The following XKR4 variants were observed in gnomAD, a reference collection of about 807,000 sequenced individuals.
XKR4 encodes XK-related protein 4.
XKR4 carries 12 observed loss-of-function variants against 53.9 expected under a neutral mutation model. The ratio of observed to expected loss-of-function variants is 0.22; its 90% CI spans 0.14 to 0.36. The LOEUF (loss-of-function observed/expected upper bound fraction) is 0.36, where lower values mean the gene tolerates loss of function less well. Among genes scored for constraint, XKR4 ranks in the 10% least tolerant of loss-of-function variants. The probability of loss-of-function intolerance (pLI) is 1.00; values close to 1 mark genes in which losing one functional copy is unlikely to be tolerated. For synonymous variants in XKR4, 354 were observed against 362.4 expected (o/e 0.98, Z 0.26); for missense variants, 799 against 859.5 (o/e 0.93, Z 0.88).
rs865928607 is a variant in XKR4, at chr8:55,180,310, A to G, written c.806+77016A>G. On this transcript the variant is annotated intron_variant, in intron 1 of 2. Coordinates refer to ENST00000327381, the MANE Select transcript of XKR4 (RefSeq NM_052898.2). Reference sequence around the variant, plus strand: ...ACATGAATGAGCATAAATTGGATGGATATGCAGCTGCTGTATCCAAGTCTT... The same window carrying G: ...ACATGAATGAGCATAAATTGGATGGGTATGCAGCTGCTGTATCCAAGTCTT... Among the ~76,000 whole-genome samples, 9 of 152,200 alleles carry G rather than the reference A, an allele frequency of 5.9e-5. No homozygotes were observed. In the South Asian group the frequency reaches 1.0e-3, roughly 18 times the overall value.
intron 1 of XKR4, among the ~76,000 whole-genome samples, chr8:55,168,880 T>C (rs892649030): frequency 6.6e-6 from 1 of 152,222 alleles, no homozygotes; most frequent in African/African-American, 2.4e-5. Context: ...TCTACCAGCT[T>C]GTCTGTGTCC....
chr8:55,515,077 C>T (rs893263337), intron 2 of XKR4, among the ~76,000 whole-genome samples: 11 of 152,196 alleles, frequency 7.2e-5, no homozygotes, highest in Admixed American at 6.5e-5. Flanking sequence ...CTTCTCCCAA[C>T]AACTTCCTCC....
intron 1 of XKR4, among the ~76,000 whole-genome samples, chr8:55,310,449 C>T (rs1048396302): frequency 9.2e-5 from 14 of 152,134 alleles, no homozygotes; most frequent in African/African-American, 1.7e-4. Flanking sequence ...GCACCTGACA[C>T]GTGATAAGCA....
chr8:55,369,625 A>G (rs1804044666), intron 2 of XKR4, among the ~76,000 whole-genome samples: 1 of 151,986 alleles, frequency 6.6e-6, no homozygotes, highest in Non-Finnish European at 1.5e-5. Flanking sequence ...AATAATTAAG[A>G]ATTATATTTT....
At chr8:55,438,634 C>T (rs1376157689) in intron 2 of XKR4, among the ~76,000 whole-genome samples, 1 of 149,626 alleles carries the variant, frequency 6.7e-6, no homozygotes, top group Non-Finnish European at 1.5e-5. Context: ...AAAGAAGATG[C>T]CAAGAAATGA....
chr8:55,453,553 G>T, intron 2 of XKR4: 2 of 378,138 alleles, frequency 5.3e-6, no homozygotes, highest in South Asian at 2.1e-5. Flanking sequence ...CAGTCATGCG[G>T]GGCCCTGAGG....
intron 2 of XKR4, among the ~76,000 whole-genome samples, chr8:55,506,439 C>G (rs780695347): frequency 6.6e-6 from 1 of 152,206 alleles, no homozygotes. Flanking sequence ...TCAGTCACTA[C>G]CCCCAGCAGC....
intron 2 of XKR4, among the ~76,000 whole-genome samples, chr8:55,477,459 A>G (rs1355131903): frequency 6.6e-6 from 1 of 152,152 alleles, no homozygotes; most frequent in Non-Finnish European, 1.5e-5. Context: ...ATGGGGAAAA[A>G]ACAGAGCAGA....
At chr8:55,206,676 A>G (rs537185369) in intron 1 of XKR4, among the ~76,000 whole-genome samples, 39 of 152,352 alleles carry the variant, frequency 2.6e-4, no homozygotes, top group African/African-American at 9.4e-4. Flanking sequence ...TGAAAAAGTT[A>G]GACTGTTCAC....
rs150280280 is a variant in XKR4 at position 55,451,423 on chromosome 8, G to C, written c.1007-71858G>C. On this transcript the variant is annotated intron_variant, in intron 2 of 2. Coordinates refer to ENST00000327381, the MANE Select transcript of XKR4 (RefSeq NM_052898.2). ...GCGTCCGGACGCACTGGAGTAGCGG[G>C]GCATGGAGCTGACAACAGCCTGCAG... 2.3e-4 allele frequency: 271 copies of C among 1,153,890 alleles called. 1 individual carries two copies. In the African/African-American group the frequency reaches 3.6e-3, roughly 15 times the overall value. 71.5% of individuals were successfully genotyped at this position (1,153,890 alleles called of 1,614,324 possible).
intron 2 of XKR4, among the ~76,000 whole-genome samples, chr8:55,493,633 G>T (rs1397947260): frequency 6.6e-6 from 1 of 152,118 alleles, no homozygotes; most frequent in Non-Finnish European, 1.5e-5. Flanking sequence ...CTCTATTTTT[G>T]AAAAGCCTGA....
At chr8:55,449,477 G>C in intron 2 of XKR4, 1 of 1,039,874 alleles carries the variant, frequency 9.6e-7, no homozygotes, top group East Asian at 2.5e-5. Context: ...GGTAACGACT[G>C]GAAGCAGAGC....
chr8:55,232,172 C>T (rs889339941), intron 1 of XKR4, among the ~76,000 whole-genome samples: 1 of 152,152 alleles, frequency 6.6e-6, no homozygotes, highest in Non-Finnish European at 1.5e-5. Context: ...CTCTTGTGGC[C>T]AAGGGGAGGG....
chr8:55,185,282 A>G (rs1256740180), intron 1 of XKR4, among the ~76,000 whole-genome samples: 1 of 152,374 alleles, frequency 6.6e-6, no homozygotes, highest in East Asian at 1.9e-4. Context: ...CAGTATTGAT[A>G]TGTTTCAGTT....
At chr8:55,112,575 T>TTTTTTTTG (rs1563459284) in intron 1 of XKR4, among the ~76,000 whole-genome samples, 1 of 139,278 alleles carries the variant, frequency 7.2e-6, no homozygotes, top group East Asian at 2.1e-4. Flanking sequence ...TTTTTTTTTT[T>TTTTTTTTG]TTTTTTTTTT....
intron 1 of XKR4, among the ~76,000 whole-genome samples, chr8:55,189,046 G>C (rs1257729965): frequency 6.6e-6 from 1 of 152,168 alleles, no homozygotes; most frequent in African/African-American, 2.4e-5. Context: ...GTAATTTGAG[G>C]TCCAAGCTGA....
At chr8:55,159,994 C>T (rs12541479) in intron 1 of XKR4, among the ~76,000 whole-genome samples, 4,617 of 152,078 alleles carry the variant, frequency 0.03, 183 homozygotes, top group East Asian at 0.12. Flanking sequence ...TGCTATTGAT[C>T]TGAGCAAAGA....
At position 55,536,244 on chromosome 8, in the gene XKR4, G is replaced by A. The variant is rs906041350; in HGVS notation, c.*12017G>A. 1 of 152,176 alleles carries A rather than the reference G, an allele frequency of 6.6e-6. No individual in the cohort carries two copies. Among genetic ancestry groups the A allele is most frequent in the Non-Finnish European group, 1.5e-5 (1 of 68,008 alleles). 9.4% of individuals were successfully genotyped at this position (152,176 alleles called of 1,614,324 possible). On this transcript the variant is annotated 3_prime_UTR_variant, in exon 3 of 3. Transcript: ENST00000327381. Reference sequence around the variant, plus strand: ...ATTTTCAGAATAATGGAGGTGGAAAGAAATGAACAGTTAAGCAATTTTTCA... The same window carrying A: ...ATTTTCAGAATAATGGAGGTGGAAAAAAATGAACAGTTAAGCAATTTTTCA...
intron 2 of XKR4, among the ~76,000 whole-genome samples, chr8:55,436,069 A>G (rs935219583): frequency 6.6e-6 from 1 of 151,882 alleles, no homozygotes; most frequent in African/African-American, 2.4e-5. Flanking sequence ...TAAGCACACC[A>G]TTTTTCCTGC....
Sources: allele counts gnomAD v4.1 joint callset (sites outside exome capture counted in the v4.1 genomes callset), GRCh38; gene constraint gnomAD v4.1.1; transcripts MANE v1.5; gene names NCBI Gene and HGNC (gene_info 2026-07-23, HGNC 2026-07-21).